The following SHANK2 variants were observed in gnomAD, a reference collection of about 807,000 sequenced individuals.
SHANK2 encodes SH3 and multiple ankyrin repeat domains protein 2.
A neutral mutation model predicts 133.7 loss-of-function variants in SHANK2; 43 were observed. That is an observed-to-expected ratio of 0.32 (90% CI 0.25 to 0.41). The LOEUF (loss-of-function observed/expected upper bound fraction) is 0.41, where lower values mean the gene tolerates loss of function less well. Among genes scored for constraint, SHANK2 ranks in the 10% least tolerant of loss-of-function variants. SHANK2 has a pLI of 1.00. For missense variants in SHANK2, 1,994 were observed against 2,235.8 expected, an observed-to-expected ratio of 0.89 and a Z score of 2.18; for synonymous variants, 1,017 against 952.8, an observed-to-expected ratio of 1.07 and a Z score of -1.24.
intron 10 of SHANK2, among the ~76,000 whole-genome samples, chr11:70,935,416 G>A (rs1331824959): frequency 6.6e-6 from 1 of 152,152 alleles, no homozygotes; most frequent in African/African-American, 2.4e-5. Context: ...TCCTCAGTTT[G>A]TAATTAGCCC....
chr11:70,940,782 C>T (rs1325990245), intron 10 of SHANK2, among the ~76,000 whole-genome samples: 1 of 152,156 alleles, frequency 6.6e-6, no homozygotes, highest in Non-Finnish European at 1.5e-5. Context: ...AGATTTACAG[C>T]CTATGTGGGG....
intron 11 of SHANK2, among the ~76,000 whole-genome samples, chr11:70,821,441 T>G (rs577747872): frequency 2.0e-4 from 31 of 152,086 alleles, no homozygotes; most frequent in Non-Finnish European, 4.3e-4. Flanking sequence ...TGTTGTTGTT[T>G]TTGAGACAGG....
At chr11:70,541,496 G>A (rs1345213796) in intron 17 of SHANK2, among the ~76,000 whole-genome samples, 4 of 152,212 alleles carry the variant, frequency 2.6e-5, no homozygotes, top group African/African-American at 7.2e-5. Context: ...GCTAGGACAC[G>A]GTGAGTGATG....
intron 1 of SHANK2, among the ~76,000 whole-genome samples, chr11:71,236,935 G>A (rs1954832339): frequency 6.6e-6 from 1 of 152,216 alleles, no homozygotes. Flanking sequence ...AACACTGCAG[G>A]CAGCGGCCGG....
intron 10 of SHANK2, among the ~76,000 whole-genome samples, chr11:70,954,343 TC>T (rs1950886657): frequency 6.6e-6 from 1 of 152,186 alleles, no homozygotes; most frequent in African/African-American, 2.4e-5. Flanking sequence ...TCACGGACTG[TC>T]CCTCAACCAC....
chr11:70,723,448 T>C (rs1946111277), intron 14 of SHANK2, among the ~76,000 whole-genome samples: 1 of 152,070 alleles, frequency 6.6e-6, no homozygotes, highest in Non-Finnish European at 1.5e-5. Flanking sequence ...CCCTTACTGA[T>C]AAAAATACAA....
chr11:70,898,561 T>G (rs1482295774), intron 10 of SHANK2, among the ~76,000 whole-genome samples: 2 of 152,154 alleles, frequency 1.3e-5, no homozygotes, highest in African/African-American at 4.8e-5. Flanking sequence ...GCAAAGAACT[T>G]GGCTCAACTG....
At chr11:70,601,111 G>T (rs2060491455) in intron 17 of SHANK2, among the ~76,000 whole-genome samples, 1 of 151,818 alleles carries the variant, frequency 6.6e-6, no homozygotes. Context: ...GAGCGCAGTG[G>T]TGTAATCTCA....
At chr11:70,686,860 G>T (rs1244559114) in intron 15 of SHANK2, among the ~76,000 whole-genome samples, 1 of 152,202 alleles carries the variant, frequency 6.6e-6, no homozygotes, top group Non-Finnish European at 1.5e-5. Flanking sequence ...CCCAGGCACA[G>T]CCTTGGGTAC....
rs2058561373 is a variant in SHANK2 at position 70,468,613 on chromosome 11, T to G, written c.*4256A>C. 6.6e-6 allele frequency: 1 copy of G among 152,188 alleles called. No individual in the cohort carries two copies. 9.4% of individuals were successfully genotyped at this position (152,188 alleles called of 1,614,324 possible). A position where few individuals can be genotyped will look rare whatever the true frequency, so the allele number is the denominator to read the frequency against. Reference sequence around the variant, plus strand: ...CTAGTAAGGTAAACGAATATATTCATCTAGGAAAAGTGGTCTGGAAGAAAC... The same window carrying G: ...CTAGTAAGGTAAACGAATATATTCAGCTAGGAAAAGTGGTCTGGAAGAAAC... On this transcript the variant is annotated 3_prime_UTR_variant, in exon 26 of 26. Transcript: ENST00000601538.
rs35737323 is a variant in SHANK2, at chr11:70,690,488, G to GTTTTTTT, written c.1853+8193_1853+8199dup. On this transcript the variant is annotated intron_variant, in intron 15 of 25. Transcript: ENST00000601538. Reference sequence around the variant, plus strand: ...ATCATCATAATGTAATACTTCCCATGTTTTTTTTTTTTTTTTTTTTTTTTT... The same window carrying GTTTTTTT: ...ATCATCATAATGTAATACTTCCCATGTTTTTTTTTTTTTTTTTTTTTTTTTTTTTTTT... 1.0e-3 allele frequency among the ~76,000 whole-genome samples: 33 copies of GTTTTTTT among 32,818 alleles called. 3 individuals carry two copies. The highest frequency in any genetic ancestry group is 1.2e-3 in the Non-Finnish European group (23 of 19,652). The allele number at this position is 32,818 out of a possible 152,430, so 21.5% of individuals were successfully genotyped here.
At chr11:70,942,646 C>T (rs1950664006) in intron 10 of SHANK2, 1 of 456,848 alleles carries the variant, frequency 2.2e-6, no homozygotes, top group Non-Finnish European at 4.4e-6. Flanking sequence ...TCACTTCTAA[C>T]AGATGAACTT....
chr11:70,682,537 G>A (rs1945051184), intron 15 of SHANK2, among the ~76,000 whole-genome samples: 1 of 152,254 alleles, frequency 6.6e-6, no homozygotes, highest in Non-Finnish European at 1.5e-5. Context: ...CCCCTTCTGG[G>A]AAGTGGGACC....
chr11:71,220,364 C>T (rs569846248), intron 2 of SHANK2, among the ~76,000 whole-genome samples: 9 of 152,150 alleles, frequency 5.9e-5, no homozygotes, highest in Admixed American at 1.3e-4. Context: ...GAAAACAGTA[C>T]GGCAGTTTCT....
At chr11:70,858,232 A>G (rs1244143395) in intron 11 of SHANK2, among the ~76,000 whole-genome samples, 2 of 152,250 alleles carry the variant, frequency 1.3e-5, no homozygotes, top group Non-Finnish European at 2.9e-5. Context: ...TGAAGTCATC[A>G]AAATTCACTG....
At chr11:70,953,923 C>T (rs1950879845) in intron 10 of SHANK2, among the ~76,000 whole-genome samples, 2 of 152,120 alleles carry the variant, frequency 1.3e-5, no homozygotes, top group African/African-American at 2.4e-5. Flanking sequence ...GGCCAGCTCC[C>T]GCCTGTGGAC....
Position 70,473,479 on chromosome 11 carries a change from C to T in SHANK2, c.4980-40G>A, listed in dbSNP as rs781965477. 38 of 1,594,410 alleles carry T rather than the reference C, an allele frequency of 2.4e-5. No homozygotes were observed. The Admixed American group carries it at 6.0e-4, about 25-fold the overall frequency. ...CAGAGAAAACCATCACAAGGCAGGT[C>T]ACCGAGTCAGGGCAGCTGGCTGCAG... On this transcript the variant is annotated intron_variant, in intron 25 of 25. Transcript: ENST00000601538. This position sits in a 1 kb window ranked among gnomAD's most constrained non-coding sequence, Gnocchi z 5.9.
intron 14 of SHANK2, among the ~76,000 whole-genome samples, chr11:70,789,098 G>A (rs1432471199): frequency 2.0e-5 from 3 of 152,126 alleles, no homozygotes; most frequent in Non-Finnish European, 2.9e-5. Flanking sequence ...GAGAGTCCAC[G>A]GCAGGGATTC....
At chr11:70,853,968 C>G (rs1949130275) in intron 11 of SHANK2, among the ~76,000 whole-genome samples, 1 of 152,092 alleles carries the variant, frequency 6.6e-6, no homozygotes, top group Non-Finnish European at 1.5e-5. Flanking sequence ...TCATGTTAAC[C>G]AAACCAATTA....
Sources: gnomAD v4.1 joint callset for allele counts (sites outside exome capture counted in the v4.1 genomes callset) on GRCh38, gnomAD v4.1.1 for gene constraint, Gnocchi (gnomAD v3.1) non-coding constraint, MANE v1.5 for transcripts, NCBI Gene and HGNC (gene_info 2026-07-23, HGNC 2026-07-21) for gene names.